Variants in ANGPTL2 observed in about 807,000 individuals in gnomAD.
The protein encoded by ANGPTL2 is angiopoietin-related protein 2.
In ANGPTL2, 25 loss-of-function variants were observed where a neutral mutation model predicts 52.8. The ratio of observed to expected loss-of-function variants is 0.47; its 90% confidence interval spans 0.35 to 0.66. ANGPTL2 has a LOEUF of 0.66. ANGPTL2 is among the 30% of genes least tolerant of loss of function. The probability of loss-of-function intolerance (pLI) is 0.01; values close to 1 mark genes in which losing one functional copy is unlikely to be tolerated. For missense variants in ANGPTL2, 546 were observed against 656.9 expected (o/e 0.83, Z 1.84); for synonymous variants, 276 against 277.4 (o/e 1.00, Z 0.05).
intron 2 of ANGPTL2, among the ~76,000 whole-genome samples, chr9:127,097,685 A>G (rs527466675): frequency 6.6e-6 from 1 of 152,392 alleles, no homozygotes; most frequent in South Asian, 2.1e-4. Context: ...CAACTGTAAC[A>G]TATAAATAAT....
intron 1 of ANGPTL2, among the ~76,000 whole-genome samples, chr9:127,121,081 G>A (rs1281167): frequency 0.41 from 61,853 of 151,970 alleles, 14,488 homozygotes; most frequent in Non-Finnish European, 0.51. Flanking sequence ...GTAGCCATGG[G>A]CACATTACTT....
chr9:127,094,011 CTGTT>C (rs933868006), intron 2 of ANGPTL2, 85 bp from the exon 3 acceptor site: 68 of 1,477,402 alleles, frequency 4.6e-5, no homozygotes, highest in Non-Finnish European at 5.3e-5. Flanking sequence ...GGCACAACCT[CTGTT>C]GAGGCTCCAG....
chr9:127,102,189 T>A (rs2053800291), intron 2 of ANGPTL2, among the ~76,000 whole-genome samples: 1 of 152,182 alleles, frequency 6.6e-6, no homozygotes, highest in Non-Finnish European at 1.5e-5. Flanking sequence ...CTGAACATAG[T>A]CCATTTTCTG....
chr9:127,089,880 G>A (rs974198724), intron 4 of ANGPTL2, among the ~76,000 whole-genome samples: 1 of 152,246 alleles, frequency 6.6e-6, no homozygotes, highest in Non-Finnish European at 1.5e-5. Context: ...ATTGCTCTTA[G>A]TGAAGGGGGG....
chr9:127,107,663 A>C (rs2054350139), intron 2 of ANGPTL2, among the ~76,000 whole-genome samples: 1 of 152,184 alleles, frequency 6.6e-6, no homozygotes, highest in Non-Finnish European at 1.5e-5. Context: ...CAGAAACCAG[A>C]GAGTGTTTGC....
chr9:127,093,264 A>G (rs2052696660), intron 3 of ANGPTL2, among the ~76,000 whole-genome samples: 3 of 152,066 alleles, frequency 2.0e-5, no homozygotes, highest in African/African-American at 7.2e-5. Flanking sequence ...ATGAGCCTGG[A>G]ATTAGGACTT....
At chr9:127,118,630 A>G (rs1213246747) in intron 1 of ANGPTL2, among the ~76,000 whole-genome samples, 1 of 152,288 alleles carries the variant, frequency 6.6e-6, no homozygotes, top group African/African-American at 2.4e-5. Context: ...GGACAGCACC[A>G]CCCACCTTGA....
At chr9:127,116,223 G>A (rs1354096462) in intron 1 of ANGPTL2, among the ~76,000 whole-genome samples, 1 of 152,128 alleles carries the variant, frequency 6.6e-6, no homozygotes, top group Non-Finnish European at 1.5e-5. Flanking sequence ...TCTGCCTGAT[G>A]CTTTGGGCTC....
In ANGPTL2 at chr9:127,089,028, C is replaced by T; in HGVS notation, c.1393G>A (p.Gly465Arg). 6.2e-7 allele frequency: 1 copy of T among 1,614,220 alleles called. No homozygotes were observed. Among genetic ancestry groups the T allele is most frequent in the Non-Finnish European group, 8.5e-7 (1 of 1,180,034 alleles). The change falls in exon 5 of 5, where the codon GGA becomes AGA. Residue 465 changes from glycine to arginine, a missense_variant. By Grantham distance (125) the Gly-to-Arg change is moderately radical. Coordinates refer to ENST00000373425, the MANE Select transcript of ANGPTL2 (RefSeq NM_012098.3). ...CCTCGGAACTCAGCCCAGTAGACTC[C>T]GTCCTGGTAGCGGCTCCGGTAATGG... ...GGHYRSRYQD[G>R]VYWAEFRGGS... is the part of the protein sequence containing the mutation.
intron 1 of ANGPTL2, among the ~76,000 whole-genome samples, chr9:127,119,328 G>A (rs1440389527): frequency 6.6e-6 from 1 of 152,198 alleles, no homozygotes; most frequent in Non-Finnish European, 1.5e-5. Context: ...CAGAGGGGTT[G>A]GTGCAGCATT....
rs2056222455 is a variant in ANGPTL2 at position 127,122,501 on chromosome 9, G to T, written c.-236C>A. ...GGGCTCCGGCAGAGGCTGGGGCCAG[G>T]GCTGGCCAGGGGTCCTGCGGGGCTG... On this transcript the variant is annotated 5_prime_UTR_variant, in exon 1 of 5. Transcript: ENST00000373425. The surrounding 1 kb of genome is among the most constrained non-coding windows in gnomAD (Gnocchi z 6.4). 1 of 152,730 alleles carries T rather than the reference G, an allele frequency of 6.5e-6. No individual in the cohort carries two copies. The highest frequency in any genetic ancestry group is 2.4e-5 in the African/African-American group (1 of 41,456). 9.5% of individuals were successfully genotyped at this position (152,730 alleles called of 1,614,324 possible). A position where few individuals can be genotyped will look rare whatever the true frequency, so the allele number is the denominator to read the frequency against.
At chr9:127,121,097 C>G (rs958346476) in intron 1 of ANGPTL2, among the ~76,000 whole-genome samples, 1 of 152,166 alleles carries the variant, frequency 6.6e-6, no homozygotes, top group African/African-American at 2.4e-5. Flanking sequence ...TACTTTACCT[C>G]AGTTTCCTCA....
intron 1 of ANGPTL2, among the ~76,000 whole-genome samples, chr9:127,118,837 CCTG>C (rs1209909081): frequency 6.6e-6 from 1 of 152,208 alleles, no homozygotes; most frequent in Non-Finnish European, 1.5e-5. Context: ...GCTGAATGTA[CCTG>C]CTTTGGCAGG....
At chr9:127,100,968 C>G (rs1349495990) in intron 2 of ANGPTL2, among the ~76,000 whole-genome samples, 1 of 152,186 alleles carries the variant, frequency 6.6e-6, no homozygotes, top group Non-Finnish European at 1.5e-5. Context: ...GGTATGCATT[C>G]TTTTTCTGAA....
At chr9:127,115,789 G>A (rs150811299) in intron 1 of ANGPTL2, among the ~76,000 whole-genome samples, 14 of 152,242 alleles carry the variant, frequency 9.2e-5, no homozygotes, top group African/African-American at 2.7e-4. Context: ...GCTTGATCAC[G>A]CAAGTGGTAA....
chr9:127,103,079 C>T (rs192651334), intron 2 of ANGPTL2, among the ~76,000 whole-genome samples: 4 of 152,342 alleles, frequency 2.6e-5, no homozygotes, highest in Non-Finnish European at 5.9e-5. Context: ...CTGAAGCTGA[C>T]CCAGCCACAC....
At chr9:127,089,168 C>T (rs2052144171) in intron 4 of ANGPTL2, 30 bp from the exon 5 acceptor site, 1 of 1,611,960 alleles carries the variant, frequency 6.2e-7, no homozygotes. Context: ...GAGAGGGTGT[C>T]TGGGAGGAGG....
At chr9:127,104,810 C>G (rs944529362) in intron 2 of ANGPTL2, among the ~76,000 whole-genome samples, 7 of 152,216 alleles carry the variant, frequency 4.6e-5, no homozygotes, top group African/African-American at 1.7e-4. Context: ...TGCCAAGGCT[C>G]GGATGCAAAG....
intron 4 of ANGPTL2, among the ~76,000 whole-genome samples, chr9:127,090,187 C>T (rs1300467448): frequency 6.6e-6 from 1 of 152,170 alleles, no homozygotes; most frequent in African/African-American, 2.4e-5. Flanking sequence ...CTCCTCTTTG[C>T]CAGCGGAGGT....
Sources: gnomAD v4.1 joint callset for allele counts (sites outside exome capture counted in the v4.1 genomes callset) on GRCh38, gnomAD v4.1.1 for gene constraint, Gnocchi (gnomAD v3.1) non-coding constraint, MANE v1.5 for transcripts, NCBI Gene and HGNC (gene_info 2026-07-23, HGNC 2026-07-21) for gene names.